The following EIF2A variants were observed in gnomAD, a reference collection of about 807,000 sequenced individuals.
EIF2A encodes the protein eukaryotic translation initiation factor 2A, also known as 65 kDa eukaryotic translation initiation factor 2A.
In EIF2A, 62 loss-of-function variants were observed where a neutral mutation model predicts 75.2. The observed-to-expected ratio is 0.82, with a 90% CI of 0.67 to 1.02. The LOEUF (loss-of-function observed/expected upper bound fraction) is 1.02, where lower values mean the gene tolerates loss of function less well. Ranked by LOEUF, EIF2A falls within the 50% of genes least tolerant of loss-of-function variation. The pLI, the probability that EIF2A is intolerant of heterozygous loss-of-function variation, is 0.00. For synonymous variants in EIF2A, 207 were observed against 239.0 expected (o/e 0.87, Z 1.23); for missense variants, 611 against 677.7 (o/e 0.90, Z 1.09).
At chr3:150,558,330 T>C in intron 2 of EIF2A, 58 bp from the exon 3 acceptor site, 2 of 1,381,442 alleles carry the variant, frequency 1.4e-6, no homozygotes, top group Non-Finnish European at 1.9e-6. Context: ...TATAATCAGA[T>C]TTTTTTGAAA....
intron 12 of EIF2A, among the ~76,000 whole-genome samples, chr3:150,582,408 G>C (rs866871921): frequency 3.4e-5 from 5 of 147,346 alleles, no homozygotes. Context: ...TCCGCCTCCC[G>C]GGTTCAGGCC....
intron 3 of EIF2A, among the ~76,000 whole-genome samples, chr3:150,560,224 A>AT (rs1723778266): frequency 6.6e-6 from 1 of 151,968 alleles, no homozygotes; most frequent in Non-Finnish European, 1.5e-5. Context: ...ATTTTAATAG[A>AT]TATCTTCTAT....
chr3:150,562,894 G>A (rs1028122621), intron 4 of EIF2A: 3 of 263,558 alleles, frequency 1.1e-5, no homozygotes, highest in African/African-American at 2.2e-5. Context: ...ATGAGCTAAA[G>A]GAAAAGAAAA....
chr3:150,576,209 C>T (rs1724856518), intron 11 of EIF2A, among the ~76,000 whole-genome samples: 1 of 152,030 alleles, frequency 6.6e-6, no homozygotes, highest in African/African-American at 2.4e-5. Context: ...GGGAGGCCAA[C>T]GTGGGAGAAT....
intron 9 of EIF2A, among the ~76,000 whole-genome samples, chr3:150,569,099 A>G (rs1438913740): frequency 6.6e-6 from 1 of 152,196 alleles, no homozygotes; most frequent in Non-Finnish European, 1.5e-5. Context: ...AAAAACAAGG[A>G]TGGCTCCCCT....
Position 150,572,357 on chromosome 3 carries a change from C to CAAATG in EIF2A, c.1212_1216dup (p.Ala406GlufsTer23), listed in dbSNP as rs1724580823. ...ATCTTGCACAAGTATGATGTGCCAT[C>CAAATG]AAATGCAGAATTATGGCAGGTTTCT... On this transcript the variant is annotated frameshift_variant, in exon 10 of 14. Transcript: ENST00000460851. LOFTEE classifies it high-confidence loss of function. 6.2e-7 allele frequency: 1 copy of CAAATG among 1,613,820 alleles called. No homozygotes were observed. The highest frequency in any genetic ancestry group is 1.3e-5 in the African/African-American group (1 of 74,914).
intron 10 of EIF2A, among the ~76,000 whole-genome samples, chr3:150,575,345 A>G (rs1242614298): frequency 6.6e-6 from 1 of 152,214 alleles, no homozygotes; most frequent in Non-Finnish European, 1.5e-5. Flanking sequence ...TGTTGTTGGT[A>G]TCTAGTTTTC....
At chr3:150,559,062 G>A (rs1010221913) in intron 3 of EIF2A, among the ~76,000 whole-genome samples, 7 of 152,112 alleles carry the variant, frequency 4.6e-5, no homozygotes, top group Non-Finnish European at 7.4e-5. Context: ...CATAGACCAT[G>A]CAAATGCCCA....
chr3:150,547,464 A>C (rs1358116764), intron 1 of EIF2A, among the ~76,000 whole-genome samples: 6 of 152,212 alleles, frequency 3.9e-5, no homozygotes. Context: ...TTTTGAAGCT[A>C]AAGACTGTAG....
At chr3:150,575,576 G>C (rs1724804616) in intron 10 of EIF2A, 73 bp from the exon 11 acceptor site, 3 of 1,092,896 alleles carry the variant, frequency 2.7e-6, no homozygotes, top group Non-Finnish European at 3.9e-6. Context: ...TATATTAGCA[G>C]AAGTGTATAA....
chr3:150,549,900 A>C (rs1244111236), intron 1 of EIF2A, among the ~76,000 whole-genome samples: 4 of 152,154 alleles, frequency 2.6e-5, no homozygotes, highest in African/African-American at 9.7e-5. Context: ...GATTTTCCTA[A>C]ACTAATACAT....
intron 11 of EIF2A, among the ~76,000 whole-genome samples, chr3:150,577,917 A>G (rs1019881781): frequency 6.6e-6 from 1 of 152,204 alleles, no homozygotes; most frequent in Non-Finnish European, 1.5e-5. Flanking sequence ...TGTAGTTAAT[A>G]TGTTTCATCC....
At chr3:150,583,290 G>C in intron 13 of EIF2A, 25 bp downstream of exon 13, 3 of 1,607,786 alleles carry the variant, frequency 1.9e-6, no homozygotes, top group Non-Finnish European at 2.5e-6. Context: ...TTTCATTTAG[G>C]CTTGTGGTGA....
intron 9 of EIF2A, among the ~76,000 whole-genome samples, chr3:150,571,535 A>G (rs1422321401): frequency 2.0e-5 from 3 of 152,198 alleles, no homozygotes; most frequent in Non-Finnish European, 4.4e-5. Flanking sequence ...TTAGCCCAGG[A>G]AGTCGAGGCA....
chr3:150,575,835 T>C (rs2107961351), intron 11 of EIF2A, 73 bp downstream of exon 11: 1 of 1,300,232 alleles, frequency 7.7e-7, no homozygotes, highest in South Asian at 1.4e-5. Flanking sequence ...ACGCCCGTAA[T>C]CCCAGCACTT....
intron 6 of EIF2A, chr3:150,565,071 C>G: frequency 2.5e-6 from 1 of 403,522 alleles, no homozygotes; most frequent in South Asian, 1.9e-5. Context: ...TTTTATTCTT[C>G]ATAATTTATT....
intron 9 of EIF2A, among the ~76,000 whole-genome samples, chr3:150,569,151 A>C (rs1241322177): frequency 6.6e-6 from 1 of 152,210 alleles, no homozygotes; most frequent in African/African-American, 2.4e-5. Context: ...CCTAGTCACT[A>C]TAATCAGCAG....
intron 6 of EIF2A, chr3:150,567,425 TA>T (rs1724247175): frequency 3.1e-6 from 1 of 317,538 alleles, no homozygotes; most frequent in East Asian, 5.7e-5. Context: ...ACTCTTCTCT[TA>T]AAACCAATTA....
intron 7 of EIF2A, 63 bp from the exon 8 acceptor site, chr3:150,567,839 C>T: frequency 6.3e-7 from 1 of 1,576,752 alleles, no homozygotes; most frequent in Non-Finnish European, 8.6e-7. Flanking sequence ...ATTGTAAAAA[C>T]ATGTCCATCT....
Sources: allele counts gnomAD v4.1 joint callset (sites outside exome capture counted in the v4.1 genomes callset), GRCh38; gene constraint gnomAD v4.1.1; transcripts MANE v1.5; gene names NCBI Gene and HGNC (gene_info 2026-07-23, HGNC 2026-07-21).